The following ZNF507 variants were observed in gnomAD, a reference collection of about 807,000 sequenced individuals.
The protein encoded by ZNF507 is zinc finger protein 507.
Under a neutral mutation model 80.0 loss-of-function variants are expected in ZNF507, and 29 were observed. That is an observed-to-expected ratio of 0.36 (90% CI 0.27 to 0.49). ZNF507 has a LOEUF of 0.49. ZNF507 is among the 20% of genes least tolerant of loss of function. The probability of loss-of-function intolerance (pLI) is 0.98; values close to 1 mark genes in which losing one functional copy is unlikely to be tolerated. For synonymous variants in ZNF507, 462 were observed against 422.5 expected (o/e 1.09, Z -1.15); for missense variants, 1,081 against 1,152.2 (o/e 0.94, Z 0.90).
Position 32,354,720 on chromosome 19 carries a change from G to A in ZNF507, c.1890G>A (p.Val630=). The A allele has an allele frequency of 3.1e-6, 5 of 1,614,180 alleles. No individual in the cohort carries two copies. Among genetic ancestry groups the A allele is most frequent in the Non-Finnish European group, 4.2e-6 (5 of 1,180,032 alleles). Residue 630 remains valine, a synonymous_variant, in exon 3 of 7, where the codon GTG becomes GTA. Transcript: ENST00000355898. ...ATACAAGTTTGTCCGGAAACAATGTGGTGGAATACATCCCGAATGCTGAAC... is the reference window on the plus strand; with the variant it reads ...ATACAAGTTTGTCCGGAAACAATGTAGTGGAATACATCCCGAATGCTGAAC... The part of the protein sequence containing the change: ...NSDTSLSGNN[V]VEYIPNAERP...
Position 32,353,643 on chromosome 19 carries a change from T to C in ZNF507, c.813T>C (p.Ala271=). ...TGAAAACACACGCTTGGAAACATGC[T>C]GGGGAGGTTGATTGCTCCTATCCAA... ...RMLKTHAWKH[A]GEVDCSYPIF... Residue 271 remains alanine (A), a synonymous_variant, in exon 3 of 7, where the codon GCT becomes GCC. Transcript: ENST00000355898. 6.2e-7 allele frequency: 1 copy of C among 1,614,228 alleles called. No individual in the cohort carries two copies.
rs574653667 is a variant in ZNF507, at chr19:32,353,353, G to T, written c.523G>T (p.Val175Leu). ...CCAGGAGGAACTTGAAGCCCACGTG[G>T]TGAATGACCATGACAATGATGCCAA... ...RSQEELEAHV[V>L]NDHDNDANIH... is the part of the protein sequence containing the mutation. The change falls in exon 3 of 7, where the codon GTG becomes TTG. Residue 175 changes from valine (V) to leucine (L), a missense_variant. By Grantham distance (32) the Val-to-Leu change is conservative (BLOSUM62 1). Coordinates refer to ENST00000355898, the MANE Select transcript of ZNF507 (RefSeq NM_001136156.2). 9.3e-6 allele frequency: 15 copies of T among 1,614,084 alleles called. No individual in the cohort carries two copies. In the Admixed American group the frequency reaches 2.5e-4, roughly 27 times the overall value.
rs903418677 is a variant in ZNF507, at chr19:32,352,030, T to C, written c.-2-799T>C. On this transcript the variant is annotated intron_variant, in intron 2 of 6. Transcript: ENST00000355898. The stretch of plus-strand genomic sequence containing the variant: ...ATCTGGAACTGAAACACAACTGGGA[T>C]ATCAATTTTTTCCTTCTCTGATGTC... Among the ~76,000 whole-genome samples the C allele has an allele frequency of 1.5e-4, 23 of 151,232 alleles. 1 individual carries two copies. Among genetic ancestry groups the C allele is most frequent in the Admixed American group, 1.2e-3 (18 of 15,194 alleles).
At chr19:32,357,363 G>A (rs1229580468) in intron 4 of ZNF507, 2 of 152,254 alleles carry the variant, frequency 1.3e-5, no homozygotes, top group African/African-American at 4.8e-5. Context: ...GTACTAAGCT[G>A]TGCCGCTTTG....
At chr19:32,350,353 A>G (rs868540284) in intron 2 of ZNF507, among the ~76,000 whole-genome samples, 1 of 152,286 alleles carries the variant, frequency 6.6e-6, no homozygotes, top group Non-Finnish European at 1.5e-5. Flanking sequence ...CTTATCCCCA[A>G]ATGTATGCAG....
Position 32,353,470 on chromosome 19 carries a change from A to G in ZNF507, c.640A>G (p.Ile214Val). Residue 214 changes from isoleucine (I) to valine (V), a missense_variant, in exon 3 of 7, where the codon ATC becomes GTC. By Grantham distance (29) the Ile-to-Val change is conservative. Coordinates refer to ENST00000355898, the MANE Select transcript of ZNF507 (RefSeq NM_001136156.2). ...TTERNETIPD[I>V]PVSVDNLQTH... is the part of the protein sequence containing the mutation. Reference sequence around the variant, plus strand: ...AGAAAGAAATGAAACCATTCCAGATATCCCAGTAAGTGTGGACAATCTACA... The same window carrying G: ...AGAAAGAAATGAAACCATTCCAGATGTCCCAGTAAGTGTGGACAATCTACA... The G allele has an allele frequency of 1.2e-6, 2 of 1,614,238 alleles. No homozygotes were observed. Among genetic ancestry groups the G allele is most frequent in the Non-Finnish European group, 1.7e-6 (2 of 1,180,034 alleles).
intron 5 of ZNF507, among the ~76,000 whole-genome samples, chr19:32,366,624 T>C (rs1361493175): frequency 1.3e-5 from 2 of 152,358 alleles, no homozygotes; most frequent in South Asian, 4.1e-4. Flanking sequence ...ACATTTGAGT[T>C]ATTGTAAGGT....
At chr19:32,379,088 G>T (rs1160885232) in intron 5 of ZNF507, among the ~76,000 whole-genome samples, 1 of 152,210 alleles carries the variant, frequency 6.6e-6, no homozygotes, top group Non-Finnish European at 1.5e-5. Flanking sequence ...AACTGATCCA[G>T]AGACATTTGA....
rs1051164553 is a variant in ZNF507, at chr19:32,385,309, T to A, written c.*2226T>A. 1.3e-5 allele frequency: 2 copies of A among 151,526 alleles called. No homozygotes were observed. The highest frequency in any genetic ancestry group is 2.9e-5 in the Non-Finnish European group (2 of 68,030). The allele number at this position is 151,526 out of a possible 1,614,324, so 9.4% of individuals were successfully genotyped here. A position where few individuals can be genotyped will look rare whatever the true frequency, so the allele number is the denominator to read the frequency against. ...AAAACTAACCCAGAAGTTCAAAGCC[T>A]TTAAAGTTTCATCTGATTCTGGCCT... is the stretch of plus-strand genomic sequence containing the variant. On this transcript the variant is annotated 3_prime_UTR_variant, in exon 7 of 7. Coordinates refer to ENST00000355898, the MANE Select transcript of ZNF507 (RefSeq NM_001136156.2).
At chr19:32,356,485 G>A (rs550293770) in intron 3 of ZNF507, 131 bp from the exon 4 acceptor site, 1 of 623,526 alleles carries the variant, frequency 1.6e-6, no homozygotes, top group Admixed American at 2.9e-5. Context: ...TGATCCTTTA[G>A]CAGACTTGAT....
rs775349628 is a variant in ZNF507, at chr19:32,384,161, T to C, written c.*1078T>C. On this transcript the variant is annotated 3_prime_UTR_variant, in exon 7 of 7. Coordinates refer to ENST00000355898, the MANE Select transcript of ZNF507 (RefSeq NM_001136156.2). ...AATATAACCAAATGTGACTAAAATA[T>C]AGCAGAAATTCAGGTTGTTTGTAAA... 2.4e-4 allele frequency: 37 copies of C among 152,294 alleles called. No homozygotes were observed. Among genetic ancestry groups the C allele is most frequent in the Non-Finnish European group, 4.6e-4 (31 of 68,028 alleles). The allele number at this position is 152,294 out of a possible 1,614,324, so 9.4% of individuals were successfully genotyped here. A position where few individuals can be genotyped will look rare whatever the true frequency, so the allele number is the denominator to read the frequency against.
intron 4 of ZNF507, 108 bp downstream of exon 4, chr19:32,356,841 C>A: frequency 2.5e-6 from 2 of 796,248 alleles, no homozygotes; most frequent in Non-Finnish European, 4.4e-6. Context: ...TATTCTCCTC[C>A]ATTTTTGTAC....
intron 2 of ZNF507, among the ~76,000 whole-genome samples, chr19:32,351,310 T>C (rs1481577343): frequency 6.6e-6 from 1 of 151,990 alleles, no homozygotes; most frequent in Non-Finnish European, 1.5e-5. Flanking sequence ...TTTTGCCTGA[T>C]GTGGACCTAG....
At chr19:32,351,627 T>C (rs1317445546) in intron 2 of ZNF507, among the ~76,000 whole-genome samples, 1 of 150,606 alleles carries the variant, frequency 6.6e-6, no homozygotes. Flanking sequence ...ACAGCCATGA[T>C]TCACCACCTA....
intron 5 of ZNF507, among the ~76,000 whole-genome samples, chr19:32,376,919 GA>G (rs1967555392): frequency 6.6e-6 from 1 of 152,042 alleles, no homozygotes; most frequent in Admixed American, 6.5e-5. Context: ...GAGAGAGGGA[GA>G]GAGAGAGAGA....
chr19:32,380,291 G>A (rs1160794888), intron 5 of ZNF507, among the ~76,000 whole-genome samples: 1 of 152,122 alleles, frequency 6.6e-6, no homozygotes, highest in Non-Finnish European at 1.5e-5. Flanking sequence ...AGGAGGCCAA[G>A]GCTGCAGTGA....
Position 32,362,746 on chromosome 19 carries a change from T to TC in ZNF507, c.2360+2131dup, listed in dbSNP as rs140216435. ...AGGGTCTTCCTACCAACGGGCAACATCCCGTGAGCATCCTCTTTGTGTAAC... is the reference window on the plus strand; with the variant it reads ...AGGGTCTTCCTACCAACGGGCAACATCCCCGTGAGCATCCTCTTTGTGTAAC... On this transcript the variant is annotated intron_variant, in intron 5 of 6. Transcript: ENST00000355898. Among the ~76,000 whole-genome samples the TC allele has an allele frequency of 3.2e-3, 489 of 152,326 alleles. 1 individual carries two copies. The highest frequency in any genetic ancestry group is 0.011 in the African/African-American group (466 of 41,562).
At chr19:32,382,628 T>G in intron 6 of ZNF507, 27 bp downstream of exon 6, 1 of 1,613,768 alleles carries the variant, frequency 6.2e-7, no homozygotes, top group Non-Finnish European at 8.5e-7. Context: ...CCTCCCTTTA[T>G]TGCTATATGT....
intron 5 of ZNF507, 107 bp downstream of exon 5, chr19:32,360,725 A>T (rs1314242597): frequency 9.3e-6 from 5 of 537,092 alleles, no homozygotes. Flanking sequence ...CAGGTTAAGA[A>T]GTAAGAAATT....
Sources: gnomAD v4.1 joint callset for allele counts (sites outside exome capture counted in the v4.1 genomes callset) on GRCh38, gnomAD v4.1.1 for gene constraint, MANE v1.5 for transcripts, NCBI Gene and HGNC (gene_info 2026-07-23, HGNC 2026-07-21) for gene names.